BCAS3: variants seen among roughly 807,000 people sequenced by gnomAD.
BCAS3 encodes the protein BCAS4/BCAS3 fusion.
BCAS3 carries 53 observed loss-of-function variants against 116.1 expected under a neutral mutation model. The ratio of observed to expected loss-of-function variants is 0.46; its 90% CI spans 0.37 to 0.57. The LOEUF (loss-of-function observed/expected upper bound fraction) is 0.57. Among genes scored for constraint, BCAS3 ranks in the 20% least tolerant of loss-of-function variants. BCAS3 has a pLI of 0.00. For synonymous variants in BCAS3, 391 were observed against 408.2 expected (o/e 0.96, Z 0.51); for missense variants, 917 against 1,165.4 (o/e 0.79, Z 3.10).
rs1211840087 is a variant in BCAS3, at chr17:61,171,314, A to G, written c.2425+86750A>G. Among the ~76,000 whole-genome samples the G allele has an allele frequency of 1.3e-5, 2 of 152,174 alleles. No homozygotes were observed. Among genetic ancestry groups the G allele is most frequent in the African/African-American group, 4.8e-5 (2 of 41,436 alleles). On this transcript the variant is annotated intron_variant, in intron 22 of 23. Coordinates refer to ENST00000407086, the MANE Select transcript of BCAS3 (RefSeq NM_017679.5). The surrounding 1 kb of genome is among the most constrained non-coding windows in gnomAD (Gnocchi z 4.1). ...TAATCAGTTAACAAATGAGATAAAA[A>G]TGGCATCCTAAAAATATTCAGTAGA...
rs1311639372 is a variant in BCAS3, at chr17:61,333,299, T to G, written c.2426-35028T>G. Among the ~76,000 whole-genome samples, 1 of 152,162 alleles carries G rather than the reference T, an allele frequency of 6.6e-6. No homozygotes were observed. Among genetic ancestry groups the G allele is most frequent in the Non-Finnish European group, 1.5e-5 (1 of 68,028 alleles). On this transcript the variant is annotated intron_variant, in intron 22 of 23. Coordinates refer to ENST00000407086, the MANE Select transcript of BCAS3 (RefSeq NM_017679.5). The surrounding 1 kb of genome is among the most constrained non-coding windows in gnomAD (Gnocchi z 4.8). ...TGTCGGTCTTGGAAAAGCTCCATCTTCAGAGGGGTTTGTGCCCAGCAGCTG... is the reference window on the plus strand; with the variant it reads ...TGTCGGTCTTGGAAAAGCTCCATCTGCAGAGGGGTTTGTGCCCAGCAGCTG...
At chr17:61,186,000 T>G (rs1410033325) in intron 22 of BCAS3, among the ~76,000 whole-genome samples, 6 of 152,172 alleles carry the variant, frequency 3.9e-5, no homozygotes, top group African/African-American at 1.4e-4. Context: ...CAGAATTTAG[T>G]TTCATCCGTA....
intron 2 of BCAS3, among the ~76,000 whole-genome samples, chr17:60,680,773 A>G (rs1217847995): frequency 4.0e-5 from 6 of 151,800 alleles, no homozygotes. Context: ...TTGGCCTCCC[A>G]AGTAGCTGGG....
At chr17:60,871,682 A>G (rs537391049) in intron 8 of BCAS3, among the ~76,000 whole-genome samples, 139 of 151,424 alleles carry the variant, frequency 9.2e-4, no homozygotes, top group African/African-American at 3.2e-3. Flanking sequence ...TTCCTTTTCA[A>G]TTTGTTAAAT....
chr17:61,216,753 A>G (rs2081819297), intron 22 of BCAS3, among the ~76,000 whole-genome samples: 1 of 151,212 alleles, frequency 6.6e-6, no homozygotes, highest in Non-Finnish European at 1.5e-5. Context: ...CATGTTAGTC[A>G]GGCTGGTCTT....
At chr17:60,737,934 G>C (rs2041140941) in intron 5 of BCAS3, among the ~76,000 whole-genome samples, 1 of 152,070 alleles carries the variant, frequency 6.6e-6, no homozygotes, top group South Asian at 2.1e-4. Context: ...TTACAGGCAT[G>C]TGCCACCACA....
In BCAS3 at chr17:61,090,572, G is replaced by A. The variant is rs538062996; in HGVS notation, c.2425+6008G>A. Among the ~76,000 whole-genome samples, 15 of 152,242 alleles carry A rather than the reference G, an allele frequency of 9.9e-5. No homozygotes were observed. In the East Asian group the frequency reaches 2.7e-3, roughly 27 times the overall value. On this transcript the variant is annotated intron_variant, in intron 22 of 23. Coordinates refer to ENST00000407086, the MANE Select transcript of BCAS3 (RefSeq NM_017679.5). Reference sequence around the variant, plus strand: ...TAAGTTTTAGAGATTAAGAACATAGGGAAAAGACCTTATTTGCCCATAAGG... The same window carrying A: ...TAAGTTTTAGAGATTAAGAACATAGAGAAAAGACCTTATTTGCCCATAAGG...
intron 14 of BCAS3, among the ~76,000 whole-genome samples, chr17:60,981,364 C>T (rs1032821997): frequency 1.3e-5 from 2 of 151,966 alleles, no homozygotes; most frequent in Non-Finnish European, 2.9e-5. Context: ...ACTGCAGCCT[C>T]TGCCTCCTCC....
chr17:61,061,150 G>A (rs1348803021), intron 19 of BCAS3, among the ~76,000 whole-genome samples: 1 of 152,068 alleles, frequency 6.6e-6, no homozygotes, highest in East Asian at 1.9e-4. Context: ...CCTAACTATA[G>A]GGTGAAAATG....
chr17:61,160,888 C>T (rs1419858541), intron 22 of BCAS3, among the ~76,000 whole-genome samples: 5 of 152,016 alleles, frequency 3.3e-5, no homozygotes, highest in Non-Finnish European at 5.9e-5. Flanking sequence ...TGGCTGGCAG[C>T]GACAGATTAA....
At chr17:61,194,721 C>G (rs952557302) in intron 22 of BCAS3, among the ~76,000 whole-genome samples, 12 of 109,840 alleles carry the variant, frequency 1.1e-4, no homozygotes, top group African/African-American at 4.1e-4. Flanking sequence ...GCCTGGGCAA[C>G]AAGAGCAAGA....
intron 6 of BCAS3, among the ~76,000 whole-genome samples, chr17:60,765,613 T>C (rs1264277636): frequency 6.6e-6 from 1 of 152,250 alleles, no homozygotes; most frequent in Admixed American, 6.5e-5. Context: ...TCTCTCTGGC[T>C]GCCCTAAACA....
intron 14 of BCAS3, among the ~76,000 whole-genome samples, chr17:60,981,954 T>G (rs2062841631): frequency 6.6e-6 from 1 of 152,200 alleles, no homozygotes; most frequent in African/African-American, 2.4e-5. Context: ...AATATTAAAC[T>G]TTGTAGATTG....
rs1441277827 is a variant in BCAS3 at position 60,859,387 on chromosome 17, T to G, written c.477-9189T>G. On this transcript the variant is annotated intron_variant, in intron 7 of 23. Transcript: ENST00000407086. ...TAGGCCCCGGTGTCTGTTGTCCCCT[T>G]CCTTGTGTCCATGTGAATTCATTGT... Among the ~76,000 whole-genome samples, 3 of 152,030 alleles carry G rather than the reference T, an allele frequency of 2.0e-5. No individual in the cohort carries two copies. In the South Asian group the frequency reaches 6.2e-4, roughly 32 times the overall value.
intron 22 of BCAS3, among the ~76,000 whole-genome samples, chr17:61,299,042 C>G (rs1369317921): frequency 2.0e-5 from 3 of 148,266 alleles, no homozygotes; most frequent in Non-Finnish European, 4.4e-5. Flanking sequence ...AGGTTGGTCT[C>G]TAACTCCTGA....
rs2048138424 is a variant in BCAS3, at chr17:61,248,419, A to G, written c.2426-119908A>G. Among the ~76,000 whole-genome samples, 1 of 151,986 alleles carries G rather than the reference A, an allele frequency of 6.6e-6. No homozygotes were observed. Among genetic ancestry groups the G allele is most frequent in the Non-Finnish European group, 1.5e-5 (1 of 68,020 alleles). On this transcript the variant is annotated intron_variant, in intron 22 of 23. Coordinates refer to ENST00000407086, the MANE Select transcript of BCAS3 (RefSeq NM_017679.5). The surrounding 1 kb of genome is among the most constrained non-coding windows in gnomAD (Gnocchi z 4.3). ...ACCATTCCTATGATTATTGCAACCC[A>G]TTTCTCAGGTCTTTCAAAGAAAACA... is the stretch of plus-strand genomic sequence containing the variant.
In BCAS3 at chr17:61,068,810, GT is replaced by G. The variant is rs1431028986; in HGVS notation, c.2030-6109del. Among the ~76,000 whole-genome samples the G allele has an allele frequency of 6.6e-6, 1 of 152,070 alleles. No individual in the cohort carries two copies. Among genetic ancestry groups the G allele is most frequent in the Non-Finnish European group, 1.5e-5 (1 of 68,024 alleles). On this transcript the variant is annotated intron_variant, in intron 19 of 23. Transcript: ENST00000407086. The surrounding 1 kb of genome is among the most constrained non-coding windows in gnomAD (Gnocchi z 4.3). The stretch of plus-strand genomic sequence containing the variant: ...TCAGGGTATCATTCCTAATATTTGA[GT>G]GGTTAGAAGCATGGAAACTTTGCTC...
intron 22 of BCAS3, among the ~76,000 whole-genome samples, chr17:61,342,505 C>T (rs533995549): frequency 2.0e-5 from 3 of 152,318 alleles, no homozygotes; most frequent in African/African-American, 7.2e-5. Flanking sequence ...GTGAGTGAGG[C>T]AGTGTGGCAG....
In BCAS3 at chr17:61,324,829, A is replaced by C. The variant is rs2055594512; in HGVS notation, c.2426-43498A>C. Among the ~76,000 whole-genome samples, 1 of 152,062 alleles carries C rather than the reference A, an allele frequency of 6.6e-6. No homozygotes were observed. The highest frequency in any genetic ancestry group is 1.5e-5 in the Non-Finnish European group (1 of 68,014). On this transcript the variant is annotated intron_variant, in intron 22 of 23. Coordinates refer to ENST00000407086, the MANE Select transcript of BCAS3 (RefSeq NM_017679.5). The surrounding 1 kb of genome is among the most constrained non-coding windows in gnomAD (Gnocchi z 4.6). Reference sequence around the variant, plus strand: ...GTGAGACCTCATCTCTATGAAAAAAAAAAAAAAAGAAGAAACAAAAAAGAA... The same window carrying C: ...GTGAGACCTCATCTCTATGAAAAAACAAAAAAAAGAAGAAACAAAAAAGAA...
Sources: allele counts gnomAD v4.1 joint callset (sites outside exome capture counted in the v4.1 genomes callset), GRCh38; gene constraint gnomAD v4.1.1; non-coding constraint Gnocchi (gnomAD v3.1); transcripts MANE v1.5; gene names NCBI Gene and HGNC (gene_info 2026-07-23, HGNC 2026-07-21).